The following GFRA1 variants were observed in gnomAD, a reference collection of about 807,000 sequenced individuals.
The protein encoded by GFRA1 is GDNF family receptor alpha-1.
GFRA1 carries 16 observed loss-of-function variants against 51.6 expected under a neutral mutation model. That is an observed-to-expected ratio of 0.31 (90% CI 0.21 to 0.47). The LOEUF is 0.47. Ranked by LOEUF, GFRA1 falls within the 20% of genes least tolerant of loss-of-function variation. The probability of loss-of-function intolerance (pLI) is 1.00; values close to 1 mark genes in which losing one functional copy is unlikely to be tolerated. For missense variants in GFRA1, 530 were observed against 594.3 expected, an observed-to-expected ratio of 0.89 and a Z score of 1.13; for synonymous variants, 270 against 241.3, an observed-to-expected ratio of 1.12 and a Z score of -1.10.
chr10:116,071,179 G>C (rs190118059), intron 9 of GFRA1, among the ~76,000 whole-genome samples: 1 of 152,182 alleles, frequency 6.6e-6, no homozygotes, highest in African/African-American at 2.4e-5. Context: ...CTGGGCAAGC[G>C]TGCTTCTGAG....
At chr10:116,162,576 C>T (rs561944281) in intron 5 of GFRA1, among the ~76,000 whole-genome samples, 9 of 152,256 alleles carry the variant, frequency 5.9e-5, no homozygotes, top group East Asian at 5.8e-4. Flanking sequence ...TGCACAGGGA[C>T]GCGTGTGCAC....
At chr10:116,085,493 G>A (rs1043846785) in intron 9 of GFRA1, among the ~76,000 whole-genome samples, 4 of 151,708 alleles carry the variant, frequency 2.6e-5, no homozygotes, top group South Asian at 2.1e-4. Context: ...TGGGACAAAC[G>A]CCATTCTAAG....
Position 116,156,878 on chromosome 10 carries a change from A to T in GFRA1, c.434-31321T>A, listed in dbSNP as rs567105589. On this transcript the variant is annotated intron_variant, in intron 5 of 10. Coordinates refer to ENST00000355422, the MANE Select transcript of GFRA1 (RefSeq NM_005264.8). ...TTCCAAACTAGGGGGAGGCTTCATT[A>T]TCTCCTCCCCCAACGCATTGCAAGG... Among the ~76,000 whole-genome samples, 136 of 152,278 alleles carry T rather than the reference A, an allele frequency of 8.9e-4. 1 individual carries two copies. The highest frequency in any genetic ancestry group is 3.1e-3 in the African/African-American group (128 of 41,560).
At position 116,057,705 on chromosome 10, in the gene GFRA1, TA is replaced by T. The variant is rs1057150580; in HGVS notation, c.*6692del. Reference sequence around the variant, plus strand: ...AGAAGATAGATAATGAGGAGAACTATAAGGCCCTGGATTCAGGTTTCTGAAA... The same window carrying T: ...AGAAGATAGATAATGAGGAGAACTATAGGCCCTGGATTCAGGTTTCTGAAA... On this transcript the variant is annotated 3_prime_UTR_variant, in exon 11 of 11. Transcript: ENST00000355422. 6.6e-6 allele frequency: 1 copy of T among 150,580 alleles called. No individual in the cohort carries two copies. The highest frequency in any genetic ancestry group is 2.4e-5 in the African/African-American group (1 of 40,962). The allele number at this position is 150,580 out of a possible 1,614,324, so 9.3% of individuals were successfully genotyped here. A position where few individuals can be genotyped will look rare whatever the true frequency, so the allele number is the denominator to read the frequency against.
At chr10:116,188,256 G>C (rs1030464969) in intron 5 of GFRA1, among the ~76,000 whole-genome samples, 2 of 152,184 alleles carry the variant, frequency 1.3e-5, no homozygotes, top group Non-Finnish European at 2.9e-5. Flanking sequence ...GGGATCTGAG[G>C]GTTCGGAGGA....
chr10:116,173,723 G>A (rs1363807932), intron 5 of GFRA1, among the ~76,000 whole-genome samples: 1 of 152,150 alleles, frequency 6.6e-6, no homozygotes, highest in African/African-American at 2.4e-5. Context: ...TCAAACTGGA[G>A]AAAGTTTTCT....
chr10:116,263,584 C>T lies in GFRA1; in HGVS notation c.418+5919G>A, dbSNP rs150654164. ...GAAGCTGCCCAGAGTGCTAGTAGAACGGCAGCTGCTCAACCTGTCTTGTCT... is the reference window on the plus strand; with the variant it reads ...GAAGCTGCCCAGAGTGCTAGTAGAATGGCAGCTGCTCAACCTGTCTTGTCT... On this transcript the variant is annotated intron_variant, in intron 4 of 10. Transcript: ENST00000355422. Among the ~76,000 whole-genome samples the T allele has an allele frequency of 1.8e-4, 28 of 152,280 alleles. No homozygotes were observed. The East Asian group carries it at 1.9e-3, about 11-fold the overall frequency.
chr10:116,186,062 C>T (rs770133203), intron 5 of GFRA1, among the ~76,000 whole-genome samples: 1 of 152,126 alleles, frequency 6.6e-6, no homozygotes, highest in African/African-American at 2.4e-5. Context: ...GGAATTTCTT[C>T]CCAGAGCTTT....
intron 4 of GFRA1, among the ~76,000 whole-genome samples, chr10:116,249,703 G>A (rs7086060): frequency 0.27 from 41,519 of 151,754 alleles, 5,744 homozygotes; most frequent in African/African-American, 0.35. Context: ...CACTTACTAT[G>A]CATTTGTTCA....
intron 5 of GFRA1, among the ~76,000 whole-genome samples, chr10:116,132,341 A>G (rs547307594): frequency 6.6e-6 from 1 of 152,210 alleles, no homozygotes; most frequent in South Asian, 2.1e-4. Context: ...AAAAACTTAG[A>G]GGATGGACAT....
At chr10:116,148,133 G>A (rs941815797) in intron 5 of GFRA1, among the ~76,000 whole-genome samples, 1 of 125,274 alleles carries the variant, frequency 8.0e-6, no homozygotes, top group Non-Finnish European at 1.7e-5. Context: ...TGTGTGGGGT[G>A]GGGGGTAGGG....
chr10:116,159,284 T>C (rs1487102029), intron 5 of GFRA1, among the ~76,000 whole-genome samples: 1 of 152,134 alleles, frequency 6.6e-6, no homozygotes, highest in Non-Finnish European at 1.5e-5. Context: ...TCTAGTCTCA[T>C]CTCTCCCCTA....
intron 4 of GFRA1, chr10:116,255,592 TG>T (rs1968772236): frequency 7.8e-7 from 1 of 1,288,436 alleles, no homozygotes; most frequent in Admixed American, 2.3e-5. Flanking sequence ...CTCTGCTGGC[TG>T]GGTACACGCC....
intron 5 of GFRA1, among the ~76,000 whole-genome samples, chr10:116,131,659 C>T (rs146293891): frequency 2.6e-4 from 39 of 152,136 alleles, no homozygotes; most frequent in Non-Finnish European, 3.8e-4. Flanking sequence ...CACAGAAGTA[C>T]GCACAGTATG....
In GFRA1 at chr10:116,057,704, A is replaced by G. The variant is rs938782121; in HGVS notation, c.*6694T>C. On this transcript the variant is annotated 3_prime_UTR_variant, in exon 11 of 11. Transcript: ENST00000355422. ...AAGAAGATAGATAATGAGGAGAACT[A>G]TAAGGCCCTGGATTCAGGTTTCTGA... 3.3e-5 allele frequency: 5 copies of G among 151,770 alleles called. No individual in the cohort carries two copies. The highest frequency in any genetic ancestry group is 9.7e-5 in the African/African-American group (4 of 41,324). The allele number at this position is 151,770 out of a possible 1,614,324, so 9.4% of individuals were successfully genotyped here.
At chr10:116,247,647 CTCTT>C (rs1967974275) in intron 4 of GFRA1, among the ~76,000 whole-genome samples, 1 of 152,188 alleles carries the variant, frequency 6.6e-6, no homozygotes, top group African/African-American at 2.4e-5. Flanking sequence ...ATCTCAAAGC[CTCTT>C]TCTGAGACTT....
At chr10:116,085,245 A>C (rs368770846) in intron 9 of GFRA1, among the ~76,000 whole-genome samples, 2 of 152,220 alleles carry the variant, frequency 1.3e-5, no homozygotes, top group East Asian at 3.8e-4. Flanking sequence ...ACTTTGGAAA[A>C]TGTTTATTCG....
chr10:116,220,853 A>C (rs536267549), intron 4 of GFRA1, among the ~76,000 whole-genome samples: 1 of 152,306 alleles, frequency 6.6e-6, no homozygotes, highest in Non-Finnish European at 1.5e-5. Context: ...CTAAAACTAT[A>C]ATGAACACTA....
In GFRA1 at chr10:116,146,955, G is replaced by A. The variant is rs1179945980; in HGVS notation, c.434-21398C>T. Among the ~76,000 whole-genome samples the A allele has an allele frequency of 2.6e-5, 4 of 152,062 alleles. 1 individual carries two copies. The East Asian group carries it at 7.7e-4, about 29-fold the overall frequency. On this transcript the variant is annotated intron_variant, in intron 5 of 10. Transcript: ENST00000355422. ...GGTGCCACAATCTTAAACTTCATTA[G>A]CTTCACAGGAAATACACCCCTGGGG...
Sources: gnomAD v4.1 joint callset for allele counts (sites outside exome capture counted in the v4.1 genomes callset) on GRCh38, gnomAD v4.1.1 for gene constraint, MANE v1.5 for transcripts, NCBI Gene and HGNC (gene_info 2026-07-23, HGNC 2026-07-21) for gene names.